MICOS10: variants seen among roughly 807,000 people sequenced by gnomAD.
MICOS10 encodes MICOS complex subunit MIC10.
A neutral mutation model predicts 13.4 loss-of-function variants in MICOS10; 5 were observed. The observed-to-expected ratio is 0.37, with a 90% CI of 0.20 to 0.78. The LOEUF (loss-of-function observed/expected upper bound fraction) is 0.78, where lower values mean the gene tolerates loss of function less well. MICOS10 is among the 30% of genes least tolerant of loss of function. The pLI is 0.47. For synonymous variants in MICOS10, 35 were observed against 33.6 expected (o/e 1.04, Z -0.15); for missense variants, 101 against 94.6 (o/e 1.07, Z -0.28).
chr1:19,600,053 T>A (rs747359712), intron 1 of MICOS10, among the ~76,000 whole-genome samples: 1 of 152,032 alleles, frequency 6.6e-6, no homozygotes, highest in Admixed American at 6.6e-5. Flanking sequence ...CAACAGGGAA[T>A]TGACGTAATA....
intron 1 of MICOS10, among the ~76,000 whole-genome samples, chr1:19,609,151 C>T (rs527788075): frequency 1.3e-5 from 2 of 151,658 alleles, no homozygotes; most frequent in South Asian, 2.1e-4. Flanking sequence ...TGCGTGCTAC[C>T]GCATCAGGCT....
At chr1:19,608,040 A>T in intron 1 of MICOS10, 1 of 726,584 alleles carries the variant, frequency 1.4e-6, no homozygotes, top group Non-Finnish European at 2.5e-6. Flanking sequence ...AGGGTCGTAG[A>T]CCTAAATATA....
chr1:19,622,877 T>A (rs552601718), intron 2 of MICOS10, among the ~76,000 whole-genome samples: 1 of 151,916 alleles, frequency 6.6e-6, no homozygotes, highest in African/African-American at 2.4e-5. Flanking sequence ...AGAACTGATA[T>A]AGAGAAGTTA....
chr1:19,600,705 G>C (rs2094810819), intron 1 of MICOS10: 1 of 365,302 alleles, frequency 2.7e-6, no homozygotes, highest in Admixed American at 3.5e-5. Flanking sequence ...GAGCTCAGGT[G>C]ATCCTCCCAC....
chr1:19,608,605 C>T (rs929718238), intron 1 of MICOS10: 1 of 741,068 alleles, frequency 1.3e-6, no homozygotes, highest in African/African-American at 1.8e-5. Flanking sequence ...TAATAAATTG[C>T]CTTCATGTAA....
Position 19,596,994 on chromosome 1 carries a change from GT to G in MICOS10, c.-51del. On this transcript the variant is annotated 5_prime_UTR_variant, in exon 1 of 4. Transcript: ENST00000322753. The stretch of plus-strand genomic sequence containing the variant: ...TCCAGCTCTCGCGAGACTTTCAGGG[GT>G]CGGAGCGCGGGGGCCGGCCGAGAGG... 1.3e-6 allele frequency: 2 copies of G among 1,547,704 alleles called. No homozygotes were observed. Among genetic ancestry groups the G allele is most frequent in the Non-Finnish European group, 1.7e-6 (2 of 1,148,914 alleles).
Position 19,626,496 on chromosome 1 carries a change from TA to T in MICOS10, c.*97del. The stretch of plus-strand genomic sequence containing the variant: ...CCTGGAGTAAGCTGCCATTCTTCTG[TA>T]ACAATGTTATCAGTAATGCTTTAAA... On this transcript the variant is annotated 3_prime_UTR_variant, in exon 4 of 4. Coordinates refer to ENST00000322753, the MANE Select transcript of MICOS10 (RefSeq NM_001032363.4). 1 of 1,350,744 alleles carries T rather than the reference TA, an allele frequency of 7.4e-7. No individual in the cohort carries two copies. The allele number at this position is 1,350,744 out of a possible 1,614,324, so 83.7% of individuals were successfully genotyped here.
rs1256378581 is a variant in MICOS10, at chr1:19,628,733, T to C, written c.*2332T>C. The C allele has an allele frequency of 1.3e-5, 2 of 151,348 alleles. No individual in the cohort carries two copies. Among genetic ancestry groups the C allele is most frequent in the African/African-American group, 4.9e-5 (2 of 41,184 alleles). 9.4% of individuals were successfully genotyped at this position (151,348 alleles called of 1,614,324 possible). A position where few individuals can be genotyped will look rare whatever the true frequency, so the allele number is the denominator to read the frequency against. On this transcript the variant is annotated 3_prime_UTR_variant, in exon 4 of 4. Coordinates refer to ENST00000322753, the MANE Select transcript of MICOS10 (RefSeq NM_001032363.4). ...TCCTTCCCCAATTTTTCTGTCATTT[T>C]CCCATCCTCATTCAGGCAGAGAGAA...
intron 1 of MICOS10, 139 bp downstream of exon 1, chr1:19,597,248 C>CT: frequency 1.2e-6 from 1 of 864,940 alleles, no homozygotes; most frequent in Non-Finnish European, 1.7e-6. Flanking sequence ...CCAGGGCGAG[C>CT]CGCCCGGGCC....
chr1:19,619,713 T>G (rs1441389863), intron 1 of MICOS10, among the ~76,000 whole-genome samples: 1 of 152,244 alleles, frequency 6.6e-6, no homozygotes, highest in Non-Finnish European at 1.5e-5. Flanking sequence ...TAGCCGGTTT[T>G]ATGATGTTCT....
At chr1:19,626,338 G>A (rs753367386) in intron 3 of MICOS10, 49 bp from the exon 4 acceptor site, 1 of 1,613,416 alleles carries the variant, frequency 6.2e-7, no homozygotes, top group African/African-American at 1.3e-5. Context: ...AGAGAGGGTT[G>A]TCAGAATGCC....
chr1:19,598,630 A>C (rs185039890), intron 1 of MICOS10, among the ~76,000 whole-genome samples: 1,386 of 134,684 alleles, frequency 0.01, 13 homozygotes, highest in Non-Finnish European at 0.018. Flanking sequence ...AAAAAAGGAG[A>C]AGAAGAAGAA....
Position 19,626,472 on chromosome 1 carries a change from C to T in MICOS10, c.*71C>T, listed in dbSNP as rs1385424063. 1.3e-6 allele frequency: 2 copies of T among 1,516,360 alleles called. No homozygotes were observed. Among genetic ancestry groups the T allele is most frequent in the Non-Finnish European group, 9.1e-7 (1 of 1,094,054 alleles). The allele number at this position is 1,516,360 out of a possible 1,614,324, so 93.9% of individuals were successfully genotyped here. On this transcript the variant is annotated 3_prime_UTR_variant, in exon 4 of 4. Coordinates refer to ENST00000322753, the MANE Select transcript of MICOS10 (RefSeq NM_001032363.4). ...TATTCCTCAGGAATACTGAAGTGCC[C>T]TGGAGTAAGCTGCCATTCTTCTGTA...
chr1:19,604,012 T>C (rs2094825789), intron 1 of MICOS10, among the ~76,000 whole-genome samples: 1 of 152,210 alleles, frequency 6.6e-6, no homozygotes, highest in Admixed American at 6.5e-5. Flanking sequence ...TTCAATTCAG[T>C]GAACTGTAGT....
At chr1:19,620,160 G>C (rs2094898193) in intron 1 of MICOS10, among the ~76,000 whole-genome samples, 1 of 152,220 alleles carries the variant, frequency 6.6e-6, no homozygotes, top group Non-Finnish European at 1.5e-5. Flanking sequence ...CAAAGGCAGA[G>C]AAAACTCTTC....
Position 19,625,483 on chromosome 1 carries a change from A to G in MICOS10, c.223-904A>G, listed in dbSNP as rs765417573. 19 of 1,289,330 alleles carry G rather than the reference A, an allele frequency of 1.5e-5. No homozygotes were observed. In the South Asian group the frequency reaches 2.2e-4, roughly 15 times the overall value. 79.9% of individuals were successfully genotyped at this position (1,289,330 alleles called of 1,614,324 possible). ...CCATCTCTGCACCAAAGCAAGAGTG[A>G]GGTCATCACAGGGACCATGCAAGAA... On this transcript the variant is annotated intron_variant, in intron 3 of 3. Coordinates refer to ENST00000322753, the MANE Select transcript of MICOS10 (RefSeq NM_001032363.4).
chr1:19,608,621 AAAT>A, intron 1 of MICOS10: 1 of 711,192 alleles, frequency 1.4e-6, no homozygotes. Flanking sequence ...TGTAAAAAAT[AAAT>A]AAAAAAAGTG....
intron 1 of MICOS10, among the ~76,000 whole-genome samples, chr1:19,612,035 T>A (rs895916785): frequency 5.9e-5 from 9 of 151,494 alleles, no homozygotes; most frequent in Non-Finnish European, 1.2e-4. Flanking sequence ...TTAGGTTTTT[T>A]AATTTTATTA....
intron 1 of MICOS10, among the ~76,000 whole-genome samples, chr1:19,611,207 T>C (rs2792048): frequency 0.11 from 16,620 of 152,014 alleles, 3,074 homozygotes; most frequent in African/African-American, 0.38. Flanking sequence ...CAACTTCAGC[T>C]TCCCAAAGCG....
Sources: allele counts gnomAD v4.1 joint callset (sites outside exome capture counted in the v4.1 genomes callset), GRCh38; gene constraint gnomAD v4.1.1; transcripts MANE v1.5; gene names NCBI Gene and HGNC (gene_info 2026-07-23, HGNC 2026-07-21).